N4BP1: variants seen among roughly 807,000 people sequenced by gnomAD.
The protein encoded by N4BP1 is NEDD4-binding protein 1.
Under a neutral mutation model 70.9 loss-of-function variants are expected in N4BP1, and 21 were observed. The ratio of observed to expected loss-of-function variants is 0.30; its 90% CI spans 0.21 to 0.43. N4BP1 has a LOEUF of 0.43. N4BP1 is among the 20% of genes least tolerant of loss of function. N4BP1 has a pLI of 1.00. For missense variants in N4BP1, 936 were observed against 1,069.4 expected (o/e 0.88, Z 1.74); for synonymous variants, 387 against 394.6 (o/e 0.98, Z 0.23).
At chr16:48,578,786 TTTC>T (rs1407304414) in intron 1 of N4BP1, among the ~76,000 whole-genome samples, 1 of 152,218 alleles carries the variant, frequency 6.6e-6, no homozygotes, top group African/African-American at 2.4e-5. Flanking sequence ...AGTTTAAACT[TTTC>T]TTCCTTCCAC....
At chr16:48,583,746 A>C (rs1964204688) in intron 1 of N4BP1, among the ~76,000 whole-genome samples, 1 of 152,214 alleles carries the variant, frequency 6.6e-6, no homozygotes, top group Non-Finnish European at 1.5e-5. Context: ...TCCCTCATTT[A>C]TGAGTTACCT....
chr16:48,590,691 G>A (rs1186262786), intron 1 of N4BP1, among the ~76,000 whole-genome samples: 1 of 152,168 alleles, frequency 6.6e-6, no homozygotes, highest in Non-Finnish European at 1.5e-5. Flanking sequence ...AAACAATCCT[G>A]GGCAGATGTC....
chr16:48,577,663 T>C (rs912490741), intron 1 of N4BP1: 14 of 221,166 alleles, frequency 6.3e-5, no homozygotes, highest in Admixed American at 5.2e-4. Context: ...CAGGCAGCTG[T>C]AGGTCTTGGA....
intron 1 of N4BP1, among the ~76,000 whole-genome samples, chr16:48,573,310 G>C (rs370156541): frequency 6.6e-6 from 1 of 152,052 alleles, no homozygotes; most frequent in South Asian, 2.1e-4. Flanking sequence ...TAGCAGTACA[G>C]GCTGGGCACA....
In N4BP1 at chr16:48,542,676, C is replaced by G; in HGVS notation, c.*228G>C. 1 of 417,974 alleles carries G rather than the reference C, an allele frequency of 2.4e-6. No homozygotes were observed. The highest frequency in any genetic ancestry group is 3.6e-5 in the East Asian group (1 of 27,986). The allele number at this position is 417,974 out of a possible 1,614,324, so 25.9% of individuals were successfully genotyped here. On this transcript the variant is annotated 3_prime_UTR_variant, in exon 7 of 7. Transcript: ENST00000262384. The stretch of plus-strand genomic sequence containing the variant: ...GTTCTGAACAGGCAGAAAATGTAGA[C>G]TTTCCTTTAACAGAAAATGTTAAAT...
At chr16:48,568,394 A>T (rs1963971382) in intron 1 of N4BP1, among the ~76,000 whole-genome samples, 1 of 152,176 alleles carries the variant, frequency 6.6e-6, no homozygotes, top group African/African-American at 2.4e-5. Flanking sequence ...CAACATTATA[A>T]TTTTTCTTTC....
intron 1 of N4BP1, among the ~76,000 whole-genome samples, chr16:48,590,831 T>C (rs561998825): frequency 6.6e-6 from 1 of 152,196 alleles, no homozygotes; most frequent in South Asian, 2.1e-4. Flanking sequence ...CATCACCGAG[T>C]GTCTGTCTTG....
intron 1 of N4BP1, among the ~76,000 whole-genome samples, chr16:48,608,257 C>T (rs1453393807): frequency 9.9e-5 from 15 of 152,144 alleles, no homozygotes; most frequent in Admixed American, 7.9e-4. Flanking sequence ...TCCACCTCGG[C>T]CTCCCAAAGT....
chr16:48,567,739 C>T (rs371062190), intron 1 of N4BP1, among the ~76,000 whole-genome samples: 29 of 152,300 alleles, frequency 1.9e-4, no homozygotes, highest in African/African-American at 7.0e-4. Context: ...AACTATACCA[C>T]TTATATTAAT....
In N4BP1 at chr16:48,553,618, T is replaced by C; in HGVS notation, c.1941A>G (p.Glu647=). ...TTCTGTTGCCAAGCTTCCAAAAATA[T>C]TCAACTGCAATTGCAATTCCACGAC... ...FSCRGIAIAV[E]YFWKLGNRNI... is the part of the protein sequence containing the mutation. Residue 647 remains glutamate (E), a synonymous_variant, in exon 3 of 7, where the codon GAA becomes GAG. Transcript: ENST00000262384. The C allele has an allele frequency of 6.2e-7, 1 of 1,604,902 alleles. No individual in the cohort carries two copies. The highest frequency in any genetic ancestry group is 8.5e-7 in the Non-Finnish European group (1 of 1,176,046).
chr16:48,567,552 C>G (rs1237421076), intron 1 of N4BP1, among the ~76,000 whole-genome samples: 1 of 152,104 alleles, frequency 6.6e-6, no homozygotes, highest in Non-Finnish European at 1.5e-5. Flanking sequence ...CTTCTGGGCT[C>G]AACTGATCCA....
chr16:48,556,316 T>A (rs1963754477), intron 2 of N4BP1, among the ~76,000 whole-genome samples: 1 of 152,156 alleles, frequency 6.6e-6, no homozygotes, highest in African/African-American at 2.4e-5. Flanking sequence ...AGAGGGTCGA[T>A]TAAGGACCCT....
At chr16:48,588,304 T>G (rs1262337896) in intron 1 of N4BP1, among the ~76,000 whole-genome samples, 1 of 151,654 alleles carries the variant, frequency 6.6e-6, no homozygotes, top group Non-Finnish European at 1.5e-5. Context: ...CTTTTTTTTT[T>G]TTTTTTGGAG....
intron 1 of N4BP1, among the ~76,000 whole-genome samples, chr16:48,568,374 C>A (rs570141201): frequency 6.6e-6 from 1 of 152,278 alleles, no homozygotes; most frequent in African/African-American, 2.4e-5. Flanking sequence ...GCATTTGAAA[C>A]CCCATCAGAC....
chr16:48,593,698 G>A (rs1232946543), intron 1 of N4BP1, among the ~76,000 whole-genome samples: 1 of 152,180 alleles, frequency 6.6e-6, no homozygotes, highest in Non-Finnish European at 1.5e-5. Flanking sequence ...AAACTGAATA[G>A]ATTTGTAAAA....
chr16:48,600,416 A>T, intron 1 of N4BP1: 1 of 666,830 alleles, frequency 1.5e-6, no homozygotes, highest in East Asian at 2.9e-5. Context: ...AGTGAGAGCT[A>T]TGGAATAAAA....
chr16:48,606,022 G>C (rs971616441), intron 1 of N4BP1, among the ~76,000 whole-genome samples: 31 of 152,180 alleles, frequency 2.0e-4, no homozygotes, highest in Admixed American at 1.3e-4. Flanking sequence ...TGCAGTTGTT[G>C]TATGTATCAC....
chr16:48,602,354 T>C (rs1205171839), intron 1 of N4BP1, among the ~76,000 whole-genome samples: 4 of 152,230 alleles, frequency 2.6e-5, no homozygotes, highest in Non-Finnish European at 5.9e-5. Flanking sequence ...AGACTGCTAA[T>C]CTTCTATGAT....
At chr16:48,607,452 G>A (rs930303560) in intron 1 of N4BP1, among the ~76,000 whole-genome samples, 1 of 152,196 alleles carries the variant, frequency 6.6e-6, no homozygotes, top group Non-Finnish European at 1.5e-5. Flanking sequence ...GTCAGAGGAG[G>A]AGTTTAGGCT....
Sources: gnomAD v4.1 joint callset for allele counts (sites outside exome capture counted in the v4.1 genomes callset) on GRCh38, gnomAD v4.1.1 for gene constraint, MANE v1.5 for transcripts, NCBI Gene and HGNC (gene_info 2026-07-23, HGNC 2026-07-21) for gene names.